The following ANXA8 variants were observed in gnomAD, a reference collection of about 807,000 sequenced individuals.
ANXA8 encodes annexin A8, also known as VAC-beta.
A neutral mutation model predicts 26.8 loss-of-function variants in ANXA8; 9 were observed. That is an observed-to-expected ratio of 0.34 (90% CI 0.20 to 0.59). The LOEUF (loss-of-function observed/expected upper bound fraction) is 0.59. Ranked by LOEUF, ANXA8 falls within the 20% of genes least tolerant of loss-of-function variation. The pLI is 0.84. For synonymous variants in ANXA8, 39 were observed against 94.8 expected (o/e 0.41, Z 3.42); for missense variants, 83 against 238.5 (o/e 0.35, Z 4.29).
chr10:47,664,556 G>A, the ANXA8 span, among the ~76,000 whole-genome samples: 1 of 150,224 alleles, frequency 6.7e-6, no homozygotes, highest in Non-Finnish European at 1.5e-5. Context: ...CTACAAGAGT[G>A]AGACTCTGTC....
chr10:47,653,548 G>C, the ANXA8 span, among the ~76,000 whole-genome samples: 3 of 151,472 alleles, frequency 2.0e-5, no homozygotes, highest in African/African-American at 7.4e-5. Flanking sequence ...GGACATTTTG[G>C]ATAAATTGAG....
chr10:47,680,455 T>C, the ANXA8 span, among the ~76,000 whole-genome samples: 9 of 151,872 alleles, frequency 5.9e-5, no homozygotes, highest in East Asian at 3.9e-4. Context: ...GCCAACATGG[T>C]GAAACCCCAT....
chr10:47,770,137 T>G, the ANXA8 span, among the ~76,000 whole-genome samples: 1 of 139,810 alleles, frequency 7.2e-6, no homozygotes, highest in Admixed American at 7.3e-5. Flanking sequence ...GCTCCCATGA[T>G]CCAAATACCT....
At chr10:47,733,233 C>CTCTTTCTTTCTCTCTTTCTT in the ANXA8 span, among the ~76,000 whole-genome samples, 9 of 59,688 alleles carry the variant, frequency 1.5e-4, no homozygotes, top group Admixed American at 6.1e-4. Context: ...CTTTCTTTCT[C>CTCTTTCTTTCTCTCTTTCTT]TCTTTCTTTC....
the ANXA8 span, among the ~76,000 whole-genome samples, chr10:47,584,160 G>C: frequency 6.7e-6 from 1 of 149,380 alleles, no homozygotes; most frequent in Non-Finnish European, 1.5e-5. Context: ...GCCTGGGCGA[G>C]AGGAGACCCT....
At chr10:47,943,567 C>T in the ANXA8 span, among the ~76,000 whole-genome samples, 5 of 149,490 alleles carry the variant, frequency 3.3e-5, no homozygotes, top group Admixed American at 6.6e-5. Context: ...CTGTTCCAGC[C>T]CTCCTGTGTT....
chr10:47,684,617 G>T, the ANXA8 span, among the ~76,000 whole-genome samples: 1 of 151,606 alleles, frequency 6.6e-6, no homozygotes, highest in Non-Finnish European at 1.5e-5. Context: ...ACAGAGTCTC[G>T]CTCTGTTGTC....
At chr10:47,698,700 G>T in the ANXA8 span, among the ~76,000 whole-genome samples, 14 of 152,340 alleles carry the variant, frequency 9.2e-5, no homozygotes, top group African/African-American at 3.4e-4. Flanking sequence ...AAATTAGCCA[G>T]GTGTAGTGGT....
chr10:47,775,610 C>T, the ANXA8 span, among the ~76,000 whole-genome samples: 2 of 127,026 alleles, frequency 1.6e-5, no homozygotes, highest in African/African-American at 6.0e-5. Flanking sequence ...TGTTGACTTA[C>T]AAGAAACAGT....
At chr10:47,692,906 T>C in the ANXA8 span, among the ~76,000 whole-genome samples, 3 of 151,064 alleles carry the variant, frequency 2.0e-5, no homozygotes, top group Non-Finnish European at 2.9e-5. Flanking sequence ...GGCTAATTTT[T>C]GTATTTTTAG....
the ANXA8 span, among the ~76,000 whole-genome samples, chr10:47,941,532 C>G: frequency 2.0e-5 from 3 of 146,812 alleles, no homozygotes; most frequent in Admixed American, 6.7e-5. Context: ...GCATGTGCCT[C>G]GAGTCCCAGC....
the ANXA8 span, among the ~76,000 whole-genome samples, chr10:47,667,404 CT>C: frequency 1.3e-5 from 2 of 151,932 alleles, no homozygotes; most frequent in East Asian, 3.8e-4. Context: ...AGGATCTTCC[CT>C]TTGTTTCCAC....
chr10:47,534,611 A>T, the ANXA8 span, among the ~76,000 whole-genome samples: 1 of 118,446 alleles, frequency 8.4e-6, no homozygotes, highest in African/African-American at 3.3e-5. Context: ...GGTATTTTGG[A>T]TATTTTTTAA....
chr10:47,664,871 GTGCACCACCA>G, the ANXA8 span, among the ~76,000 whole-genome samples: 2 of 143,082 alleles, frequency 1.4e-5, no homozygotes, highest in Non-Finnish European at 3.0e-5. Flanking sequence ...GACTAAAGGT[GTGCACCACCA>G]TGCCTGGCTA....
chr10:47,484,941 C>T (rs1840004235), upstream of ANXA8, among the ~76,000 whole-genome samples: 1 of 148,808 alleles, frequency 6.7e-6, no homozygotes, highest in African/African-American at 2.5e-5. Flanking sequence ...GGAGCCAGCC[C>T]ATTTCACCAC....
the ANXA8 span, among the ~76,000 whole-genome samples, chr10:47,524,192 C>T: frequency 1.8e-4 from 27 of 148,950 alleles, no homozygotes; most frequent in Admixed American, 4.0e-4. Flanking sequence ...GAGTTCTACA[C>T]AAAGCCTCAG....
chr10:47,698,275 C>T, the ANXA8 span, among the ~76,000 whole-genome samples: 3 of 136,662 alleles, frequency 2.2e-5, no homozygotes, highest in East Asian at 6.4e-4. Flanking sequence ...ACTCAGAAGA[C>T]AGGTTTAAAA....
the ANXA8 span, among the ~76,000 whole-genome samples, chr10:47,975,223 A>C: frequency 1.1e-3 from 167 of 149,630 alleles, 1 homozygote; most frequent in African/African-American, 3.7e-3. Context: ...TGGCTGCTTT[A>C]AAAACTGGGC....
the ANXA8 span, chr10:47,502,695 G>A: frequency 2.5e-6 from 4 of 1,608,526 alleles, no homozygotes; most frequent in South Asian, 2.2e-5. Flanking sequence ...AGTCCACACA[G>A]TGGGCGTTCC....
Sources: gnomAD v4.1 joint callset for allele counts (sites outside exome capture counted in the v4.1 genomes callset) on GRCh38, gnomAD v4.1.1 for gene constraint, MANE v1.5 for transcripts, NCBI Gene and HGNC (gene_info 2026-07-23, HGNC 2026-07-21) for gene names.